Variants in CDC73 observed in about 807,000 individuals in gnomAD.
CDC73 encodes parafibromin.
In CDC73, 21 loss-of-function variants were observed where a neutral mutation model predicts 83.7. The ratio of observed to expected loss-of-function variants is 0.25; its 90% CI spans 0.18 to 0.36. CDC73 has a LOEUF of 0.36. CDC73 is among the 10% of genes least tolerant of loss of function. The pLI is 1.00. For missense variants in CDC73, 342 were observed against 653.3 expected (o/e 0.52, Z 5.19); for synonymous variants, 224 against 212.9 (o/e 1.05, Z -0.45).
chr1:193,160,112 G>T lies in CDC73; in HGVS notation c.972+7668G>T, dbSNP rs2103139599. Among the ~76,000 whole-genome samples the T allele has an allele frequency of 1.3e-5, 2 of 152,130 alleles. 1 individual carries two copies. The highest frequency in any genetic ancestry group is 4.1e-4 in the South Asian group (2 of 4,822). On this transcript the variant is annotated intron_variant, in intron 10 of 16. Coordinates refer to ENST00000367435, the MANE Select transcript of CDC73 (RefSeq NM_024529.5). The stretch of plus-strand genomic sequence containing the variant: ...GTACAATTCAACTCAATTTAGCTTT[G>T]CATTTTGTTAAAGAATAACTATTAG...
At chr1:193,224,952 G>A (rs1250945627) in intron 13 of CDC73, among the ~76,000 whole-genome samples, 2 of 151,838 alleles carry the variant, frequency 1.3e-5, no homozygotes, top group African/African-American at 2.4e-5. Flanking sequence ...ACATGACTAA[G>A]TAGTTTGTGA....
chr1:193,181,232 C>T (rs1676709837), intron 10 of CDC73: 1 of 1,613,922 alleles, frequency 6.2e-7, no homozygotes, highest in African/African-American at 1.3e-5. Flanking sequence ...TTCTCCAGGC[C>T]TGTAACTCCT....
At position 193,251,996 on chromosome 1, in the gene CDC73, G is replaced by T. The variant is rs1428304405; in HGVS notation, c.*1284G>T. ...CTAGGTTAACATATTTTTGGTGAAC[G>T]TTTAGGCCTTTCATAGGTATTAAGC... is the stretch of plus-strand genomic sequence containing the variant. On this transcript the variant is annotated 3_prime_UTR_variant, in exon 17 of 17. Coordinates refer to ENST00000367435, the MANE Select transcript of CDC73 (RefSeq NM_024529.5). The T allele has an allele frequency of 8.7e-6, 2 of 231,058 alleles. No individual in the cohort carries two copies. Among genetic ancestry groups the T allele is most frequent in the Non-Finnish European group, 1.7e-5 (2 of 116,878 alleles). The allele number at this position is 231,058 out of a possible 1,614,324, so 14.3% of individuals were successfully genotyped here.
intron 10 of CDC73, chr1:193,179,011 A>G (rs1363119812): frequency 6.6e-6 from 1 of 152,170 alleles, no homozygotes; most frequent in African/African-American, 2.4e-5. Flanking sequence ...ATGGAGTCAA[A>G]CAAAATTATT....
intron 2 of CDC73, among the ~76,000 whole-genome samples, chr1:193,127,058 C>G (rs758966438): frequency 6.6e-6 from 1 of 151,854 alleles, no homozygotes; most frequent in Non-Finnish European, 1.5e-5. Context: ...CACTTGAGCT[C>G]AGGAGTTCAA....
intron 1 of CDC73, among the ~76,000 whole-genome samples, chr1:193,123,327 A>C (rs1675499998): frequency 6.6e-6 from 1 of 152,144 alleles, no homozygotes; most frequent in South Asian, 2.1e-4. Context: ...TCCTGGGTTC[A>C]AGTGATTCTC....
chr1:193,242,193 G>C (rs1677874413), intron 15 of CDC73, among the ~76,000 whole-genome samples: 1 of 152,172 alleles, frequency 6.6e-6, no homozygotes, highest in South Asian at 2.1e-4. Context: ...AGTCTGGTGG[G>C]GGCCGAGCCC....
chr1:193,200,139 G>A (rs532507961), intron 10 of CDC73, among the ~76,000 whole-genome samples: 9 of 151,732 alleles, frequency 5.9e-5, no homozygotes, highest in African/African-American at 2.2e-4. Flanking sequence ...TGAGAAAACT[G>A]CTTAAGCCCC....
intron 10 of CDC73, among the ~76,000 whole-genome samples, chr1:193,197,849 T>G (rs1677027446): frequency 7.0e-6 from 1 of 142,704 alleles, no homozygotes; most frequent in African/African-American, 2.7e-5. Context: ...TCGCTTGAAC[T>G]GGGAGGTGGA....
At chr1:193,130,729 C>G (rs1675680062) in intron 3 of CDC73, among the ~76,000 whole-genome samples, 2 of 151,230 alleles carry the variant, frequency 1.3e-5, no homozygotes, top group Non-Finnish European at 2.9e-5. Flanking sequence ...TTCATCCTTA[C>G]CATCCCACTA....
chr1:193,240,905 C>G (rs1677845942), intron 15 of CDC73, among the ~76,000 whole-genome samples: 1 of 152,172 alleles, frequency 6.6e-6, no homozygotes, highest in Admixed American at 6.5e-5. Flanking sequence ...CTTGCCTCGA[C>G]CAGTGTCCTG....
chr1:193,192,617 T>C (rs1477314201), intron 10 of CDC73, among the ~76,000 whole-genome samples: 1 of 152,182 alleles, frequency 6.6e-6, no homozygotes, highest in Non-Finnish European at 1.5e-5. Context: ...AAAGGAACTT[T>C]GCGAAGTGCC....
Position 193,122,133 on chromosome 1 carries a change from A to G in CDC73, c.-68A>G, listed in dbSNP as rs1222107185. ...GGAGGAGGAAGAGGGCGAGGCGACAAGAGAAGAAGGAGGCAGGCGCGGCGG... is the reference window on the plus strand; with the variant it reads ...GGAGGAGGAAGAGGGCGAGGCGACAGGAGAAGAAGGAGGCAGGCGCGGCGG... On this transcript the variant is annotated 5_prime_UTR_variant, in exon 1 of 17. Coordinates refer to ENST00000367435, the MANE Select transcript of CDC73 (RefSeq NM_024529.5). The G allele has an allele frequency of 2.6e-6, 4 of 1,512,064 alleles. No individual in the cohort carries two copies. Among genetic ancestry groups the G allele is most frequent in the African/African-American group, 2.7e-5 (2 of 72,836 alleles). The allele number at this position is 1,512,064 out of a possible 1,614,324, so 93.7% of individuals were successfully genotyped here.
At position 193,142,060 on chromosome 1, in the gene CDC73, A is replaced by G. The variant is rs2103126502; in HGVS notation, c.723A>G (p.Thr241=). The part of the protein sequence containing the change: ...WRTRTTILQS[T]GKNFSKNIFA... ...CACGAACAACTATCTTACAAAGCAC[A>G]GGAAAGGTAATTAAAATATTTTACT... Residue 241 remains threonine, a synonymous_variant, in exon 7 of 17, where the codon ACA becomes ACG. Transcript: ENST00000367435. 2.5e-6 allele frequency: 4 copies of G among 1,610,384 alleles called. No homozygotes were observed. Among genetic ancestry groups the G allele is most frequent in the South Asian group, 1.1e-5 (1 of 91,006 alleles).
At chr1:193,164,147 C>T (rs1170403673) in intron 10 of CDC73, among the ~76,000 whole-genome samples, 1 of 152,144 alleles carries the variant, frequency 6.6e-6, no homozygotes. Flanking sequence ...ATATTAGAAA[C>T]CTCTTGTAGA....
chr1:193,173,500 A>G lies in CDC73; in HGVS notation c.972+21056A>G, dbSNP rs543421836. On this transcript the variant is annotated intron_variant, in intron 10 of 16. Transcript: ENST00000367435. The stretch of plus-strand genomic sequence containing the variant: ...AGTGCCATTGTATACAACAAAATAA[A>G]TAATATTGATGTAATCCTAACACAC... Among the ~76,000 whole-genome samples the G allele has an allele frequency of 3.3e-5, 5 of 152,334 alleles. No homozygotes were observed. In the South Asian group the frequency reaches 1.0e-3, roughly 32 times the overall value.
chr1:193,172,916 A>AT (rs1378292666), intron 10 of CDC73, among the ~76,000 whole-genome samples: 2 of 152,152 alleles, frequency 1.3e-5, no homozygotes, highest in African/African-American at 4.8e-5. Flanking sequence ...ATTTAGGTTT[A>AT]TTTTTTCTTT....
At chr1:193,161,571 AT>A (rs1676308809) in intron 10 of CDC73, among the ~76,000 whole-genome samples, 2 of 126,610 alleles carry the variant, frequency 1.6e-5, no homozygotes, top group African/African-American at 3.0e-5. Flanking sequence ...GCATATATAT[AT>A]TATTATATAA....
chr1:193,221,942 T>C (rs185203031), intron 13 of CDC73, among the ~76,000 whole-genome samples: 8 of 152,272 alleles, frequency 5.3e-5, no homozygotes, highest in African/African-American at 1.4e-4. Context: ...TCAAGTTGGA[T>C]AGAAATATCC....
Sources: gnomAD v4.1 joint callset for allele counts (sites outside exome capture counted in the v4.1 genomes callset) on GRCh38, gnomAD v4.1.1 for gene constraint, MANE v1.5 for transcripts, NCBI Gene and HGNC (gene_info 2026-07-23, HGNC 2026-07-21) for gene names.